LINGO2: variants seen among roughly 807,000 people sequenced by gnomAD.
LINGO2 encodes the protein leucine-rich repeat and immunoglobulin-like domain-containing nogo receptor-interacting protein 2.
A neutral mutation model predicts 30.6 loss-of-function variants in LINGO2; 14 were observed. The ratio of observed to expected loss-of-function variants is 0.46; its 90% CI spans 0.30 to 0.72. LINGO2 has a LOEUF of 0.72. LINGO2 is among the 30% of genes least tolerant of loss of function. LINGO2 has a pLI of 0.07. For synonymous variants in LINGO2, 317 were observed against 288.5 expected, an observed-to-expected ratio of 1.10 and a Z score of -1.00; for missense variants, 729 against 751.7, an observed-to-expected ratio of 0.97 and a Z score of 0.35.
In LINGO2 at chr9:28,144,823, T is replaced by A. The variant is rs74694043; in HGVS notation, c.-86-132418A>T. ...CTATGCAAGACAGTATATGTGGCTA[T>A]TAAAGAAGTACAACAAGGATGTAAA... On this transcript the variant is annotated intron_variant, in intron 4 of 5. Coordinates refer to ENST00000379992, the Ensembl canonical transcript of LINGO2. Among the ~76,000 whole-genome samples, 522 of 152,296 alleles carry A rather than the reference T, an allele frequency of 3.4e-3. 12 individuals are homozygous for A. The highest frequency in any genetic ancestry group is 0.023 in the Admixed American group (350 of 15,296).
intron 4 of LINGO2, among the ~76,000 whole-genome samples, chr9:28,019,498 G>A (rs114076146): frequency 0.01 from 1,572 of 152,078 alleles, 32 homozygotes; most frequent in African/African-American, 0.036. Context: ...ACTGAAGGCA[G>A]TGACAAAGAA....
intron 3 of LINGO2, among the ~76,000 whole-genome samples, chr9:28,306,598 T>A (rs575006370): frequency 2.5e-4 from 38 of 151,760 alleles, no homozygotes; most frequent in African/African-American, 6.5e-4. Flanking sequence ...CTGAAGGAAA[T>A]AGAGACACAA....
chr9:28,560,437 G>A (rs1045709314), intron 1 of LINGO2, among the ~76,000 whole-genome samples: 20 of 151,910 alleles, frequency 1.3e-4, no homozygotes, highest in African/African-American at 4.8e-4. Context: ...TCTTTCTTGG[G>A]TCTCCAGCCT....
At chr9:28,413,150 C>T (rs1158838239) in intron 2 of LINGO2, among the ~76,000 whole-genome samples, 2 of 152,010 alleles carry the variant, frequency 1.3e-5, no homozygotes, top group Non-Finnish European at 2.9e-5. Context: ...TTCCAGATAA[C>T]AGTGGGCTAT....
In LINGO2 at chr9:28,242,572, T is replaced by C. The variant is rs111620966; in HGVS notation, c.-87+52636A>G. On this transcript the variant is annotated intron_variant, in intron 4 of 5. Coordinates refer to ENST00000379992, the Ensembl canonical transcript of LINGO2. ...ACTTCAGGATATTATCCAGGAGAAC[T>C]TCCCCAACCTAGCAAGACAGGCCAA... Among the ~76,000 whole-genome samples, 929 of 152,238 alleles carry C rather than the reference T, an allele frequency of 6.1e-3. 9 individuals are homozygous for C. Among genetic ancestry groups the C allele is most frequent in the African/African-American group, 0.021 (882 of 41,560 alleles).
At chr9:28,837,780 T>C in the LINGO2 span, among the ~76,000 whole-genome samples, 2 of 149,066 alleles carry the variant, frequency 1.3e-5, no homozygotes, top group South Asian at 2.1e-4. Context: ...CCTGTGGTCC[T>C]GCAGAACATT....
At chr9:28,940,798 C>T in the LINGO2 span, among the ~76,000 whole-genome samples, 1 of 152,088 alleles carries the variant, frequency 6.6e-6, no homozygotes, top group African/African-American at 2.4e-5. Flanking sequence ...TCTTATGCAG[C>T]CTGTGCTCCT....
chr9:28,584,200 AC>A (rs1307124292), intron 1 of LINGO2, among the ~76,000 whole-genome samples: 1 of 152,016 alleles, frequency 6.6e-6, no homozygotes, highest in African/African-American at 2.4e-5. Flanking sequence ...ATTTTGATAA[AC>A]TTTTTTCTTA....
At chr9:28,460,411 T>C (rs924199873) in intron 2 of LINGO2, among the ~76,000 whole-genome samples, 1 of 152,186 alleles carries the variant, frequency 6.6e-6, no homozygotes, top group African/African-American at 2.4e-5. Context: ...ACGTAGCTTA[T>C]GTCTAATTTA....
At chr9:28,488,191 T>C (rs1485546358) in intron 1 of LINGO2, among the ~76,000 whole-genome samples, 1 of 152,168 alleles carries the variant, frequency 6.6e-6, no homozygotes, top group African/African-American at 2.4e-5. Context: ...GAGCTAAAAA[T>C]TAATGTGGAT....
the LINGO2 span, among the ~76,000 whole-genome samples, chr9:28,848,397 G>GTGTATATATATA: frequency 3.3e-4 from 16 of 48,432 alleles, no homozygotes; most frequent in Non-Finnish European, 5.9e-4. Flanking sequence ...GTGTGTGTGT[G>GTGTATATATATA]TATATATATA....
the LINGO2 span, among the ~76,000 whole-genome samples, chr9:28,978,196 T>C: frequency 6.6e-6 from 1 of 152,170 alleles, no homozygotes; most frequent in Non-Finnish European, 1.5e-5. Flanking sequence ...AGTCATTAAA[T>C]ATTGGATGTA....
rs371767746 is a variant in LINGO2 at position 28,475,447 on chromosome 9, T to C, written c.-279+493A>G. Among the ~76,000 whole-genome samples, 34 of 152,280 alleles carry C rather than the reference T, an allele frequency of 2.2e-4. No individual in the cohort carries two copies. The South Asian group carries it at 6.6e-3, about 30-fold the overall frequency. ...CACATCATCTGTTAATAGCAAACTT[T>C]CTTTATCTATAAAACAAGGGTAATT... On this transcript the variant is annotated intron_variant, in intron 2 of 5. Coordinates refer to ENST00000379992, the Ensembl canonical transcript of LINGO2.
At chr9:28,750,019 C>A in the LINGO2 span, among the ~76,000 whole-genome samples, 2 of 152,074 alleles carry the variant, frequency 1.3e-5, no homozygotes, top group Admixed American at 6.6e-5. Context: ...AAATGGGAAG[C>A]TCTTCTAATG....
intron 3 of LINGO2, among the ~76,000 whole-genome samples, chr9:28,301,032 T>C (rs969741962): frequency 6.6e-6 from 1 of 152,124 alleles, no homozygotes; most frequent in Non-Finnish European, 1.5e-5. Flanking sequence ...TTCTATGATT[T>C]AGAGAGAGAT....
intron 5 of LINGO2, among the ~76,000 whole-genome samples, chr9:27,995,437 G>A (rs979383328): frequency 2.0e-5 from 3 of 152,070 alleles, no homozygotes; most frequent in South Asian, 2.1e-4. Flanking sequence ...AATAAAAAAC[G>A]CTACATGCCA....
chr9:28,458,112 A>T (rs1587701864), intron 2 of LINGO2, among the ~76,000 whole-genome samples: 1 of 152,218 alleles, frequency 6.6e-6, no homozygotes, highest in African/African-American at 2.4e-5. Context: ...TGGTGGGACT[A>T]CTTTAAAGAG....
intron 5 of LINGO2, among the ~76,000 whole-genome samples, chr9:27,961,544 A>C (rs1264854863): frequency 6.6e-6 from 1 of 152,184 alleles, no homozygotes; most frequent in Non-Finnish European, 1.5e-5. Context: ...TAATTAGAGG[A>C]ATGATTTACA....
At chr9:28,951,783 T>C in the LINGO2 span, among the ~76,000 whole-genome samples, 1 of 152,148 alleles carries the variant, frequency 6.6e-6, no homozygotes, top group Admixed American at 6.5e-5. Flanking sequence ...ACTCTCTCTG[T>C]ATAACTTCAG....
Sources: gnomAD v4.1 joint callset for allele counts (sites outside exome capture counted in the v4.1 genomes callset) on GRCh38, gnomAD v4.1.1 for gene constraint, MANE v1.5 for transcripts, NCBI Gene and HGNC (gene_info 2026-07-23, HGNC 2026-07-21) for gene names.